CPEB3: variants seen among roughly 807,000 people sequenced by gnomAD.
The protein encoded by CPEB3 is cytoplasmic polyadenylation element binding protein 3, also known as cytoplasmic polyadenylation element-binding protein 3.
CPEB3 carries 20 observed loss-of-function variants against 67.2 expected under a neutral mutation model. The ratio of observed to expected loss-of-function variants is 0.30; its 90% CI spans 0.21 to 0.43. The LOEUF (loss-of-function observed/expected upper bound fraction) is 0.43, where lower values mean the gene tolerates loss of function less well. Among genes scored for constraint, CPEB3 ranks in the 20% least tolerant of loss-of-function variants. The pLI, the probability that CPEB3 is intolerant of heterozygous loss-of-function variation, is 1.00. For synonymous variants in CPEB3, 376 were observed against 393.1 expected, an observed-to-expected ratio of 0.96 and a Z score of 0.51; for missense variants, 746 against 968.6, an observed-to-expected ratio of 0.77 and a Z score of 3.05.
chr10:92,172,952 T>G (rs539803413), intron 4 of CPEB3, among the ~76,000 whole-genome samples: 4 of 152,348 alleles, frequency 2.6e-5, no homozygotes, highest in African/African-American at 9.6e-5. Flanking sequence ...AGGAAGAAAT[T>G]AAGGTGGACT....
intron 2 of CPEB3, among the ~76,000 whole-genome samples, chr10:92,194,196 C>G (rs1182761863): frequency 6.6e-6 from 1 of 151,566 alleles, no homozygotes; most frequent in Non-Finnish European, 1.5e-5. Flanking sequence ...AATCCCAGTA[C>G]TTTGGGAGGC....
At position 92,137,831 on chromosome 10, in the gene CPEB3, T is replaced by C. The variant is rs186975433; in HGVS notation, c.1453+5198A>G. The C allele has an allele frequency of 2.9e-3, 526 of 181,548 alleles. 3 individuals carry two copies. Among genetic ancestry groups the C allele is most frequent in the Middle Eastern group, 0.011 (5 of 466 alleles). 11.2% of individuals were successfully genotyped at this position (181,548 alleles called of 1,614,324 possible). A position where few individuals can be genotyped will look rare whatever the true frequency, so the allele number is the denominator to read the frequency against. On this transcript the variant is annotated intron_variant, in intron 6 of 9. Transcript: ENST00000265997. ...GGCTTACATGGTGAAACCCCATCTC[T>C]ACTAAAAATACAAAAAGAAATTAGC...
Position 92,239,321 on chromosome 10 carries a change from G to C in CPEB3, c.1005+25C>G, listed in dbSNP as rs542755462. The C allele has an allele frequency of 6.3e-7, 1 of 1,594,628 alleles. No homozygotes were observed. The highest frequency in any genetic ancestry group is 1.3e-5 in the African/African-American group (1 of 74,792). On this transcript the variant is annotated intron_variant, in intron 2 of 9. Coordinates refer to ENST00000265997, the MANE Select transcript of CPEB3 (RefSeq NM_014912.5). This position sits in a 1 kb window ranked among gnomAD's most constrained non-coding sequence, Gnocchi z 6.0. ...AAAAGGAGCGGGGCAGAGGGAAGGA[G>C]TGTGTAGGTGCAGCAGAGTATTACC...
intron 6 of CPEB3, among the ~76,000 whole-genome samples, chr10:92,119,690 G>A (rs1309469351): frequency 6.6e-6 from 1 of 152,148 alleles, no homozygotes; most frequent in African/African-American, 2.4e-5. Context: ...CCAGCTAGAG[G>A]GAGATAAAGA....
At chr10:92,179,033 A>G (rs1042315351) in intron 4 of CPEB3, among the ~76,000 whole-genome samples, 3 of 152,150 alleles carry the variant, frequency 2.0e-5, no homozygotes, top group Non-Finnish European at 4.4e-5. Context: ...ATGCACTCTG[A>G]TATCTGTTGC....
intron 2 of CPEB3, among the ~76,000 whole-genome samples, chr10:92,205,810 GAA>G (rs1849761422): frequency 6.6e-6 from 1 of 151,988 alleles, no homozygotes; most frequent in Non-Finnish European, 1.5e-5. Flanking sequence ...TATCCTTGAA[GAA>G]GGCCAACTAC....
intron 2 of CPEB3, among the ~76,000 whole-genome samples, chr10:92,193,627 AT>A (rs1031068733): frequency 4.8e-5 from 7 of 146,164 alleles, no homozygotes; most frequent in East Asian, 2.1e-4. Context: ...ATTAAAAAAA[AT>A]TTTTTTTTAA....
chr10:92,164,696 A>G (rs949274463), intron 4 of CPEB3, among the ~76,000 whole-genome samples: 5 of 152,176 alleles, frequency 3.3e-5, no homozygotes, highest in Non-Finnish European at 7.3e-5. Context: ...CAGTCGGTAA[A>G]CATTTGAAAA....
chr10:92,170,843 G>A (rs2134016467), intron 4 of CPEB3, among the ~76,000 whole-genome samples: 1 of 152,180 alleles, frequency 6.6e-6, no homozygotes, highest in Middle Eastern at 3.4e-3. Context: ...CAAATATCTG[G>A]CATCTGTTTT....
chr10:92,130,922 AGGTG>A (rs1305606335), intron 6 of CPEB3, among the ~76,000 whole-genome samples: 1 of 152,178 alleles, frequency 6.6e-6, no homozygotes, highest in South Asian at 2.1e-4. Context: ...GGCCAATGTG[AGGTG>A]ACCTAAGAAA....
intron 2 of CPEB3, among the ~76,000 whole-genome samples, chr10:92,199,679 C>CA (rs59100106): frequency 0.029 from 2,044 of 70,524 alleles, 58 homozygotes; most frequent in Non-Finnish European, 0.042. Flanking sequence ...GACTCCATCT[C>CA]AAAAAAAAAA....
At chr10:92,076,906 A>AAGGG (rs1176692603) in intron 9 of CPEB3, among the ~76,000 whole-genome samples, 1 of 150,654 alleles carries the variant, frequency 6.6e-6, no homozygotes, top group Non-Finnish European at 1.5e-5. Context: ...AGGAAGGAAG[A>AAGGG]AGGGAGGGAG....
chr10:92,288,386 T>G (rs1441853993), intron 1 of CPEB3, among the ~76,000 whole-genome samples: 2 of 148,884 alleles, frequency 1.3e-5, no homozygotes, highest in East Asian at 2.0e-4. Flanking sequence ...CTTGAGCCCC[T>G]GAGGCTGAGG....
intron 2 of CPEB3, among the ~76,000 whole-genome samples, chr10:92,227,980 C>T (rs1851070967): frequency 6.6e-6 from 1 of 152,014 alleles, no homozygotes; most frequent in African/African-American, 2.4e-5. Flanking sequence ...CTCCACCTCC[C>T]GGATTCAAGC....
At chr10:92,193,921 C>T (rs945048459) in intron 2 of CPEB3, among the ~76,000 whole-genome samples, 2 of 149,560 alleles carry the variant, frequency 1.3e-5, no homozygotes, top group African/African-American at 2.5e-5. Flanking sequence ...CTCAGCCTTC[C>T]GAGTAGCTAG....
chr10:92,094,542 C>A (rs1435276521), intron 7 of CPEB3, among the ~76,000 whole-genome samples: 2 of 151,364 alleles, frequency 1.3e-5, no homozygotes, highest in Non-Finnish European at 2.9e-5. Context: ...GCGGAGCTTG[C>A]AGTGTGCCAA....
At chr10:92,106,643 C>T (rs963560419) in intron 7 of CPEB3, among the ~76,000 whole-genome samples, 6 of 151,122 alleles carry the variant, frequency 4.0e-5, no homozygotes, top group African/African-American at 4.9e-5. Flanking sequence ...GGTGAAACCC[C>T]GTCTCTACTA....
chr10:92,226,893 G>A (rs1042642290), intron 2 of CPEB3, among the ~76,000 whole-genome samples: 4 of 152,036 alleles, frequency 2.6e-5, no homozygotes, highest in African/African-American at 7.2e-5. Flanking sequence ...GGAACAGGGA[G>A]GGGGGAGCGA....
chr10:92,228,818 A>G (rs28661623), intron 2 of CPEB3, among the ~76,000 whole-genome samples: 44,872 of 151,230 alleles, frequency 0.3, 6,958 homozygotes, highest in Middle Eastern at 0.34. Context: ...GGTTCAAGCA[A>G]TTCTCCTGCC....
Sources: allele counts gnomAD v4.1 joint callset (sites outside exome capture counted in the v4.1 genomes callset), GRCh38; gene constraint gnomAD v4.1.1; non-coding constraint Gnocchi (gnomAD v3.1); transcripts MANE v1.5; gene names NCBI Gene and HGNC (gene_info 2026-07-23, HGNC 2026-07-21).